UVRAG: variants seen among roughly 807,000 people sequenced by gnomAD.
UVRAG encodes UV radiation resistance associated.
In UVRAG, 19 loss-of-function variants were observed where a neutral mutation model predicts 78.0. The ratio of observed to expected loss-of-function variants is 0.24; its 90% CI spans 0.17 to 0.36. The LOEUF is 0.36. Among genes scored for constraint, UVRAG ranks in the 10% least tolerant of loss-of-function variants. The pLI, the probability that UVRAG is intolerant of heterozygous loss-of-function variation, is 1.00. For synonymous variants in UVRAG, 323 were observed against 324.6 expected (o/e 1.00, Z 0.05); for missense variants, 740 against 853.8 (o/e 0.87, Z 1.66).
intron 13 of UVRAG, among the ~76,000 whole-genome samples, chr11:76,093,842 C>G (rs529114293): frequency 2.0e-5 from 3 of 152,102 alleles, no homozygotes; most frequent in Admixed American, 6.6e-5. Context: ...TAATTGAATA[C>G]CCTTTATTTC....
Position 76,133,898 on chromosome 11 carries a change from A to G in UVRAG, c.1398-6813A>G, listed in dbSNP as rs990069675. ...CACATTGAACAGATTAAATCTGTTG[A>G]TTGATTTGGGTCTTTTTCTCCAAAT... On this transcript the variant is annotated intron_variant, in intron 14 of 14. Coordinates refer to ENST00000356136, the MANE Select transcript of UVRAG (RefSeq NM_003369.4). Among the ~76,000 whole-genome samples, 4 of 151,572 alleles carry G rather than the reference A, an allele frequency of 2.6e-5. No individual in the cohort carries two copies. The South Asian group carries it at 8.3e-4, about 32-fold the overall frequency.
chr11:75,992,046 C>T (rs1372027081), intron 8 of UVRAG, among the ~76,000 whole-genome samples: 1 of 151,796 alleles, frequency 6.6e-6, no homozygotes, highest in Non-Finnish European at 1.5e-5. Context: ...TATTATTATC[C>T]TTCTAATAAT....
intron 14 of UVRAG, among the ~76,000 whole-genome samples, chr11:76,134,420 C>T (rs931459458): frequency 2.0e-5 from 3 of 152,148 alleles, no homozygotes; most frequent in East Asian, 1.9e-4. Context: ...TAAGCCACCA[C>T]GCCTGGCACT....
chr11:76,135,289 CTG>C lies in UVRAG; in HGVS notation c.1398-5420_1398-5419del, dbSNP rs138381759. Among the ~76,000 whole-genome samples the C allele has an allele frequency of 3.7e-3, 559 of 152,298 alleles. 2 individuals are homozygous for C. The highest frequency in any genetic ancestry group is 0.013 in the African/African-American group (543 of 41,558). ...CTTTGAACAGTCCTTCTTGTCGCCA[CTG>C]TCTCTAGAGCTGAAGAGATAAGAAA... On this transcript the variant is annotated intron_variant, in intron 14 of 14. Transcript: ENST00000356136.
intron 3 of UVRAG, among the ~76,000 whole-genome samples, chr11:75,863,649 A>G (rs767479251): frequency 5.9e-5 from 9 of 152,210 alleles, no homozygotes; most frequent in Non-Finnish European, 1.2e-4. Context: ...TCCATCTTCA[A>G]TTGCTTTGGA....
chr11:75,939,573 A>G (rs2135131703), intron 6 of UVRAG, among the ~76,000 whole-genome samples: 1 of 152,302 alleles, frequency 6.6e-6, no homozygotes, highest in African/African-American at 2.4e-5. Flanking sequence ...ACATATGCAT[A>G]CATACACACA....
chr11:76,037,326 T>A (rs1362074934), intron 12 of UVRAG, among the ~76,000 whole-genome samples: 2 of 152,006 alleles, frequency 1.3e-5, no homozygotes, highest in East Asian at 3.9e-4. Context: ...AAGAAAAATA[T>A]CATATCATTT....
chr11:75,919,688 G>C (rs984142429), intron 6 of UVRAG, among the ~76,000 whole-genome samples: 13 of 152,134 alleles, frequency 8.5e-5, no homozygotes, highest in African/African-American at 2.7e-4. Flanking sequence ...TGTCTGTATT[G>C]CATTTCATAA....
At chr11:75,980,667 A>G (rs971657763) in intron 7 of UVRAG, among the ~76,000 whole-genome samples, 5 of 151,134 alleles carry the variant, frequency 3.3e-5, no homozygotes, top group African/African-American at 1.2e-4. Flanking sequence ...TTTTTCCTTG[A>G]AGAGTCTGGC....
At chr11:75,880,918 T>G (rs1348863527) in intron 4 of UVRAG, among the ~76,000 whole-genome samples, 1 of 150,512 alleles carries the variant, frequency 6.6e-6, no homozygotes, top group Non-Finnish European at 1.5e-5. Context: ...TTCCTTTCTT[T>G]TATTTACTTC....
Position 75,973,075 on chromosome 11 carries a change from A to G in UVRAG, c.700-10312A>G, listed in dbSNP as rs139891301. 9.7e-3 allele frequency among the ~76,000 whole-genome samples: 1,476 copies of G among 152,296 alleles called. 18 individuals are homozygous for G. Among genetic ancestry groups the G allele is most frequent in the Non-Finnish European group, 0.015 (995 of 68,030 alleles). On this transcript the variant is annotated intron_variant, in intron 7 of 14. Coordinates refer to ENST00000356136, the MANE Select transcript of UVRAG (RefSeq NM_003369.4). Reference sequence around the variant, plus strand: ...ATTAGCTAGGACTTCAGGTATAACTATGGTGAATAGGAGCGAAAGGGGATA... The same window carrying G: ...ATTAGCTAGGACTTCAGGTATAACTGTGGTGAATAGGAGCGAAAGGGGATA...
At chr11:76,116,160 G>C (rs1345137994) in intron 14 of UVRAG, 145 bp downstream of exon 14, 1 of 792,088 alleles carries the variant, frequency 1.3e-6, no homozygotes, top group Non-Finnish European at 2.0e-6. Context: ...CGCCATCACA[G>C]TTGGGGAGAT....
At chr11:76,000,300 T>A (rs1215824291) in intron 8 of UVRAG, among the ~76,000 whole-genome samples, 1 of 152,224 alleles carries the variant, frequency 6.6e-6, no homozygotes, top group African/African-American at 2.4e-5. Flanking sequence ...AAATCCACTT[T>A]GAATATAAAG....
rs912730873 is a variant in UVRAG, at chr11:75,912,008, C to T, written c.562C>T (p.Arg188Cys). Residue 188 changes from arginine (R) to cysteine (C), a missense_variant, in exon 6 of 15, where the codon CGC becomes TGC. Arg to Cys is a radical substitution (Grantham distance 180). Coordinates refer to ENST00000356136, the MANE Select transcript of UVRAG (RefSeq NM_003369.4). ...ILLQVDQNCV[R>C]NSYDVFSLLR... ...TCTGCAGGTGGATCAGAACTGTGTT[C>T]GCAATTCTTACGATGTCTTCTCTTT... 5.0e-6 allele frequency: 8 copies of T among 1,612,930 alleles called. No individual in the cohort carries two copies. Among genetic ancestry groups the T allele is most frequent in the African/African-American group, 2.7e-5 (2 of 74,886 alleles).
At chr11:75,896,568 C>T (rs1201237276) in intron 5 of UVRAG, among the ~76,000 whole-genome samples, 1 of 152,174 alleles carries the variant, frequency 6.6e-6, no homozygotes, top group African/African-American at 2.4e-5. Flanking sequence ...ACTCACTAGG[C>T]TCTAAATCCT....
chr11:76,119,827 G>A (rs1591259031), intron 14 of UVRAG, among the ~76,000 whole-genome samples: 1 of 152,204 alleles, frequency 6.6e-6, no homozygotes, highest in African/African-American at 2.4e-5. Flanking sequence ...AAAGTAGCCA[G>A]GATGATCTTT....
At chr11:76,053,061 T>A (rs1950899603) in intron 12 of UVRAG, among the ~76,000 whole-genome samples, 1 of 151,412 alleles carries the variant, frequency 6.6e-6, no homozygotes, top group South Asian at 2.1e-4. Flanking sequence ...ATCCCAGCAC[T>A]TTGGGAGGCC....
chr11:76,109,147 C>T (rs1952025174), intron 13 of UVRAG, among the ~76,000 whole-genome samples: 1 of 152,114 alleles, frequency 6.6e-6, no homozygotes, highest in Non-Finnish European at 1.5e-5. Flanking sequence ...TTGGCATCTG[C>T]CTTCCCCAAT....
rs1436275256 is a variant in UVRAG, at chr11:76,016,937, A to G, written c.1183A>G (p.Ile395Val). The G allele has an allele frequency of 1.9e-6, 3 of 1,607,500 alleles. No homozygotes were observed. Among genetic ancestry groups the G allele is most frequent in the East Asian group, 2.2e-5 (1 of 44,704 alleles). Residue 395 changes from isoleucine (I) to valine (V), a missense_variant, in exon 12 of 15, where the codon ATC (isoleucine) becomes GTC (valine). Physicochemically the swap from Ile to Val is conservative, Grantham distance 29. Transcript: ENST00000356136. ...AATTCATAAGGGGTCTAGATCAACA[A>G]TCAAAGACAATATCAATGACAAACT... ...PIIHKGSRSTIKDNINDKLTE... is the reference protein window; with the variant it reads ...PIIHKGSRSTVKDNINDKLTE...
Sources: gnomAD v4.1 joint callset for allele counts (sites outside exome capture counted in the v4.1 genomes callset) on GRCh38, gnomAD v4.1.1 for gene constraint, MANE v1.5 for transcripts, NCBI Gene and HGNC (gene_info 2026-07-23, HGNC 2026-07-21) for gene names.